The following KALRN variants were observed in gnomAD, a reference collection of about 807,000 sequenced individuals.
KALRN encodes kalirin RhoGEF kinase, also known as kalirin.
In KALRN, 70 loss-of-function variants were observed where a neutral mutation model predicts 353.7. The observed-to-expected ratio is 0.20, with a 90% CI of 0.16 to 0.24. KALRN has a LOEUF of 0.24. Among genes scored for constraint, KALRN ranks in the 10% least tolerant of loss-of-function variants. The pLI is 1.00. For synonymous variants in KALRN, 1,391 were observed against 1,434.8 expected (o/e 0.97, Z 0.69); for missense variants, 2,791 against 3,756.7 (o/e 0.74, Z 6.72).
intron 34 of KALRN, among the ~76,000 whole-genome samples, chr3:124,582,263 C>T (rs2074703675): frequency 6.6e-6 from 1 of 152,090 alleles, no homozygotes; most frequent in South Asian, 2.1e-4. Context: ...TCAGGTGATC[C>T]GCCCACCTTG....
intron 26 of KALRN, 75 bp from the exon 27 acceptor site, chr3:124,477,170 C>A (rs548619769): frequency 1.9e-6 from 2 of 1,050,238 alleles, no homozygotes; most frequent in Non-Finnish European, 1.5e-6. Flanking sequence ...ACAGCCCTTG[C>A]TGGGTCCTTC....
intron 50 of KALRN, 68 bp downstream of exon 50, chr3:124,678,381 G>C: frequency 6.5e-7 from 1 of 1,546,996 alleles, no homozygotes; most frequent in Non-Finnish European, 8.8e-7. Context: ...ATTCTCACAA[G>C]CCAATTTGGG....
chr3:124,577,301 A>G (rs540479878), intron 34 of KALRN, among the ~76,000 whole-genome samples: 6 of 152,238 alleles, frequency 3.9e-5, no homozygotes, highest in South Asian at 2.1e-4. Flanking sequence ...ACAGGTGTCA[A>G]TTGGGCAAGT....
At chr3:124,260,771 C>T (rs1157288622) in intron 3 of KALRN, among the ~76,000 whole-genome samples, 3 of 152,152 alleles carry the variant, frequency 2.0e-5, no homozygotes, top group African/African-American at 7.2e-5. Flanking sequence ...CAGAGCTGCA[C>T]TCTCTTGCAT....
chr3:124,262,253 A>G (rs1374704036), intron 3 of KALRN, among the ~76,000 whole-genome samples: 1 of 152,204 alleles, frequency 6.6e-6, no homozygotes, highest in Non-Finnish European at 1.5e-5. Context: ...AGAAAAAACT[A>G]CGTTACAGTG....
chr3:124,306,318 A>G (rs1372411692), intron 6 of KALRN, among the ~76,000 whole-genome samples: 5 of 151,992 alleles, frequency 3.3e-5, no homozygotes, highest in Admixed American at 2.0e-4. Context: ...GGAAATATGG[A>G]GCTGAAAAAT....
intron 15 of KALRN, among the ~76,000 whole-genome samples, chr3:124,425,270 A>G (rs1036121683): frequency 6.6e-6 from 1 of 152,222 alleles, no homozygotes; most frequent in Admixed American, 6.5e-5. Flanking sequence ...AAATGAAAGG[A>G]ATTTGAATGT....
In KALRN at chr3:124,094,845, A is replaced by G. The variant is rs774343717; in HGVS notation, c.73+61032A>G. On this transcript the variant is annotated intron_variant, in intron 1 of 59. Coordinates refer to ENST00000682506, the MANE Select transcript of KALRN (RefSeq NM_001388419.1). ...GGATGAGTTCAGGGTGGGATGACGGACCGCTTCTGGGACCAGTGGTATCTC... is the reference window on the plus strand; with the variant it reads ...GGATGAGTTCAGGGTGGGATGACGGGCCGCTTCTGGGACCAGTGGTATCTC... 1.9e-6 allele frequency: 3 copies of G among 1,613,998 alleles called. No homozygotes were observed. In the East Asian group the frequency reaches 6.7e-5, roughly 36 times the overall value.
intron 51 of KALRN, among the ~76,000 whole-genome samples, chr3:124,687,943 A>G (rs1166184737): frequency 1.3e-5 from 2 of 152,198 alleles, no homozygotes; most frequent in Non-Finnish European, 2.9e-5. Flanking sequence ...TGAAAGAGAC[A>G]AGTCTATCGC....
chr3:124,634,435 G>A (rs1014775342), intron 36 of KALRN, among the ~76,000 whole-genome samples: 3 of 152,218 alleles, frequency 2.0e-5, no homozygotes, highest in Non-Finnish European at 4.4e-5. Context: ...CTAAGGGGAA[G>A]TTATTGTCAA....
intron 34 of KALRN, among the ~76,000 whole-genome samples, chr3:124,579,053 G>A (rs1342790911): frequency 6.6e-6 from 1 of 152,162 alleles, no homozygotes; most frequent in South Asian, 2.1e-4. Flanking sequence ...AAATGATTGT[G>A]ATTTAGTAAA....
At chr3:124,189,775 T>A (rs2074676220) in intron 1 of KALRN, among the ~76,000 whole-genome samples, 1 of 151,832 alleles carries the variant, frequency 6.6e-6, no homozygotes, top group African/African-American at 2.4e-5. Context: ...CCATCTCTAC[T>A]AAAAAATACA....
In KALRN at chr3:124,697,493, G is replaced by T; in HGVS notation, c.7700-100G>T. 7 of 1,232,900 alleles carry T rather than the reference G, an allele frequency of 5.7e-6. No homozygotes were observed. The South Asian group carries it at 1.2e-4, about 21-fold the overall frequency. 76.4% of individuals were successfully genotyped at this position (1,232,900 alleles called of 1,614,324 possible). On this transcript the variant is annotated intron_variant, in intron 54 of 59. Coordinates refer to ENST00000682506, the MANE Select transcript of KALRN (RefSeq NM_001388419.1). The stretch of plus-strand genomic sequence containing the variant: ...GTGGAGAAGGTCACAGGAAAAAATT[G>T]TGACATCGGTTAGGTAATGTTTCCT...
chr3:124,489,741 C>A (rs994334011), intron 29 of KALRN, among the ~76,000 whole-genome samples: 1 of 152,210 alleles, frequency 6.6e-6, no homozygotes, highest in African/African-American at 2.4e-5. Flanking sequence ...AGCAACAGCA[C>A]CTGGGAGCTT....
At chr3:124,513,908 G>C (rs1392005335) in intron 33 of KALRN, among the ~76,000 whole-genome samples, 4 of 152,088 alleles carry the variant, frequency 2.6e-5, no homozygotes, top group African/African-American at 9.7e-5. Flanking sequence ...CCTCCTTATA[G>C]AATTTGGGAA....
chr3:124,316,481 T>C (rs2149341178), intron 6 of KALRN, among the ~76,000 whole-genome samples: 1 of 152,332 alleles, frequency 6.6e-6, no homozygotes, highest in African/African-American at 2.4e-5. Flanking sequence ...CTCTACAACT[T>C]GTCATTTGTC....
intron 5 of KALRN, among the ~76,000 whole-genome samples, chr3:124,279,351 C>T (rs770228898): frequency 6.6e-6 from 1 of 152,128 alleles, no homozygotes; most frequent in Non-Finnish European, 1.5e-5. Flanking sequence ...ATGGCTGGAG[C>T]CTTGAAGACA....
rs769286797 is a variant in KALRN at position 124,228,073 on chromosome 3, T to C, written c.148+9T>C. 2 of 1,607,540 alleles carry C rather than the reference T, an allele frequency of 1.2e-6. No homozygotes were observed. Among genetic ancestry groups the C allele is most frequent in the Non-Finnish European group, 1.7e-6 (2 of 1,174,218 alleles). ...GGTGGCCTTCGTGTCTGGTGAGTAT[T>C]TGTGGGACTTTCTTTTGTAAAGGAC... On this transcript the variant is annotated intron_variant, in intron 2 of 59. Transcript: ENST00000682506.
chr3:124,428,147 T>G (rs142773123), intron 15 of KALRN, among the ~76,000 whole-genome samples: 111 of 152,270 alleles, frequency 7.3e-4, no homozygotes, highest in African/African-American at 2.6e-3. Flanking sequence ...CCTGGAAGAT[T>G]AAAAATACCA....
Sources: allele counts gnomAD v4.1 joint callset (sites outside exome capture counted in the v4.1 genomes callset), GRCh38; gene constraint gnomAD v4.1.1; transcripts MANE v1.5; gene names NCBI Gene and HGNC (gene_info 2026-07-23, HGNC 2026-07-21).